GRIN2B: variants seen among roughly 807,000 people sequenced by gnomAD.
GRIN2B encodes the protein glutamate ionotropic receptor NMDA type subunit 2B.
A neutral mutation model predicts 114.5 loss-of-function variants in GRIN2B; 5 were observed. The ratio of observed to expected loss-of-function variants is 0.04; its 90% CI spans 0.02 to 0.09. GRIN2B has a LOEUF of 0.09. Among genes scored for constraint, GRIN2B ranks in the 10% least tolerant of loss-of-function variants. The probability of loss-of-function intolerance (pLI) is 1.00; values close to 1 mark genes in which losing one functional copy is unlikely to be tolerated. For synonymous variants in GRIN2B, 787 were observed against 745.1 expected, an observed-to-expected ratio of 1.06 and a Z score of -0.92; for missense variants, 1,108 against 1,943.5, an observed-to-expected ratio of 0.57 and a Z score of 8.08.
At chr12:13,941,818 A>G (rs1000703075) in intron 2 of GRIN2B, among the ~76,000 whole-genome samples, 2 of 152,204 alleles carry the variant, frequency 1.3e-5, no homozygotes, top group Non-Finnish European at 2.9e-5. Flanking sequence ...AACTAAACAT[A>G]AGATTGAAAG....
At chr12:13,765,875 TC>T (rs1242888408) in intron 3 of GRIN2B, among the ~76,000 whole-genome samples, 4 of 152,168 alleles carry the variant, frequency 2.6e-5, no homozygotes, top group African/African-American at 9.6e-5. Flanking sequence ...TTCTCAAGTT[TC>T]TTTTATTCAT....
chr12:13,865,479 A>G (rs1291712622), intron 3 of GRIN2B, among the ~76,000 whole-genome samples: 1 of 152,122 alleles, frequency 6.6e-6, no homozygotes, highest in African/African-American at 2.4e-5. Context: ...TAAAAATACA[A>G]AAATTAGCTG....
At chr12:13,603,027 C>A (rs892197130) in intron 10 of GRIN2B, among the ~76,000 whole-genome samples, 11 of 152,074 alleles carry the variant, frequency 7.2e-5, no homozygotes, top group Non-Finnish European at 1.2e-4. Context: ...TCCAATCTGA[C>A]CCCAGACCCC....
intron 10 of GRIN2B, among the ~76,000 whole-genome samples, chr12:13,578,682 T>A (rs1948807744): frequency 6.6e-6 from 1 of 152,228 alleles, no homozygotes; most frequent in African/African-American, 2.4e-5. Context: ...TTGGGCTAGT[T>A]TGCTGTGTAG....
At chr12:13,895,030 GTATA>G (rs762094805) in intron 2 of GRIN2B, among the ~76,000 whole-genome samples, 5 of 152,148 alleles carry the variant, frequency 3.3e-5, no homozygotes, top group Non-Finnish European at 5.9e-5. Context: ...TCATTTGTGT[GTATA>G]TAAAGGCATA....
At chr12:13,889,982 T>C (rs1046694648) in intron 2 of GRIN2B, among the ~76,000 whole-genome samples, 1 of 152,166 alleles carries the variant, frequency 6.6e-6, no homozygotes, top group African/African-American at 2.4e-5. Context: ...AACAATAGGC[T>C]GGCACCCTCC....
At position 13,562,039 on chromosome 12, in the gene GRIN2B, A is replaced by C. The variant is rs1948551762; in HGVS notation, c.*744T>G. The C allele has an allele frequency of 2.0e-5, 3 of 152,638 alleles. No individual in the cohort carries two copies. The highest frequency in any genetic ancestry group is 4.1e-4 in the South Asian group (2 of 4,826). 9.5% of individuals were successfully genotyped at this position (152,638 alleles called of 1,614,324 possible). On this transcript the variant is annotated 3_prime_UTR_variant, in exon 14 of 14. Coordinates refer to ENST00000609686, the MANE Select transcript of GRIN2B (RefSeq NM_000834.5). ...TGACTACACATGGGTGCAAGTGTGC[A>C]TGAACACACATGCACGCACAATCCA...
At chr12:13,854,345 A>G (rs956304400) in intron 3 of GRIN2B, among the ~76,000 whole-genome samples, 2 of 152,068 alleles carry the variant, frequency 1.3e-5, no homozygotes, top group African/African-American at 4.8e-5. Flanking sequence ...CCCTGTCTCT[A>G]TTAAAAACAC....
At chr12:13,687,705 T>C (rs1171346466) in intron 4 of GRIN2B, among the ~76,000 whole-genome samples, 2 of 152,256 alleles carry the variant, frequency 1.3e-5, no homozygotes, top group Non-Finnish European at 2.9e-5. Context: ...CTTTCTGTTA[T>C]AATTTCATCT....
At chr12:13,758,323 C>G (rs1383798027) in intron 3 of GRIN2B, among the ~76,000 whole-genome samples, 1 of 152,202 alleles carries the variant, frequency 6.6e-6, no homozygotes, top group African/African-American at 2.4e-5. Context: ...GGCTCAGAGT[C>G]TGCTTCCCTG....
intron 4 of GRIN2B, among the ~76,000 whole-genome samples, chr12:13,708,917 C>T (rs551702913): frequency 6.6e-6 from 1 of 152,030 alleles, no homozygotes; most frequent in Non-Finnish European, 1.5e-5. Flanking sequence ...GATCCTTGCC[C>T]TTGTAAAGCT....
chr12:13,745,905 GC>G (rs1863372797), intron 4 of GRIN2B, among the ~76,000 whole-genome samples: 1 of 152,032 alleles, frequency 6.6e-6, no homozygotes, highest in Non-Finnish European at 1.5e-5. Context: ...TTTCATTCCT[GC>G]TTTTTAATCT....
intron 4 of GRIN2B, among the ~76,000 whole-genome samples, chr12:13,724,611 C>G (rs1436977840): frequency 6.6e-6 from 1 of 152,044 alleles, no homozygotes; most frequent in Non-Finnish European, 1.5e-5. Flanking sequence ...TTATGTGAGA[C>G]TGAAAATTGA....
chr12:13,741,562 T>C lies in GRIN2B; in HGVS notation c.1010+11755A>G, dbSNP rs909181264. ...TTGGGGTTTTTTGTTGTTGCTTTCG[T>C]TTTATTTTTTTGAGACAGGGTCTTG... On this transcript the variant is annotated intron_variant, in intron 4 of 13. Transcript: ENST00000609686. Among the ~76,000 whole-genome samples, 4 of 152,224 alleles carry C rather than the reference T, an allele frequency of 2.6e-5. No individual in the cohort carries two copies. In the South Asian group the frequency reaches 8.3e-4, roughly 32 times the overall value.
intron 3 of GRIN2B, among the ~76,000 whole-genome samples, chr12:13,781,022 C>A (rs1864102730): frequency 6.6e-6 from 1 of 152,088 alleles, no homozygotes; most frequent in Admixed American, 6.5e-5. Flanking sequence ...GGACACTCAA[C>A]AAAGTTCCTT....
chr12:13,728,220 C>G (rs960545560), intron 4 of GRIN2B, among the ~76,000 whole-genome samples: 7 of 152,156 alleles, frequency 4.6e-5, no homozygotes, highest in Non-Finnish European at 5.9e-5. Context: ...CAGCAGCCCA[C>G]GACTCAGATT....
chr12:13,797,760 T>C (rs898231333), intron 3 of GRIN2B, among the ~76,000 whole-genome samples: 2 of 152,242 alleles, frequency 1.3e-5, no homozygotes, highest in Non-Finnish European at 2.9e-5. Context: ...AGACTTTACA[T>C]AATCTTTATC....
rs1230018548 is a variant in GRIN2B, at chr12:13,865,858, T to G, written c.351A>C (p.Ala117=). The G allele has an allele frequency of 6.2e-7, 1 of 1,613,926 alleles. No homozygotes were observed. Among genetic ancestry groups the G allele is most frequent in the Non-Finnish European group, 8.5e-7 (1 of 1,179,966 alleles). ...TGCCCAGGATGGGGGTGAGAGTCTG[T>G]GCTGAAATGAAATCGAGGATCTGGG... ...AIAQILDFIS[A]QTLTPILGIH... Residue 117 remains alanine (A), a synonymous_variant, in exon 3 of 14, where the codon GCA becomes GCC. Coordinates refer to ENST00000609686, the MANE Select transcript of GRIN2B (RefSeq NM_000834.5).
At chr12:13,653,223 G>A (rs2136519050) in intron 5 of GRIN2B, among the ~76,000 whole-genome samples, 1 of 152,242 alleles carries the variant, frequency 6.6e-6, no homozygotes, top group Non-Finnish European at 1.5e-5. Flanking sequence ...AGATTGTGAT[G>A]CCAACATCGA....
Sources: gnomAD v4.1 joint callset for allele counts (sites outside exome capture counted in the v4.1 genomes callset) on GRCh38, gnomAD v4.1.1 for gene constraint, MANE v1.5 for transcripts, NCBI Gene and HGNC (gene_info 2026-07-23, HGNC 2026-07-21) for gene names.